Variants in RSRC1 observed in about 807,000 individuals in gnomAD.
The protein encoded by RSRC1 is arginine and serine rich coiled-coil 1.
A neutral mutation model predicts 49.1 loss-of-function variants in RSRC1; 39 were observed. The observed-to-expected ratio is 0.79, with a 90% CI of 0.61 to 1.04. The LOEUF (loss-of-function observed/expected upper bound fraction) is 1.04, where lower values mean the gene tolerates loss of function less well. Among genes scored for constraint, RSRC1 ranks in the 50% least tolerant of loss-of-function variants. RSRC1 has a pLI of 0.00. For synonymous variants in RSRC1, 143 were observed against 130.8 expected (o/e 1.09, Z -0.63); for missense variants, 388 against 402.4 (o/e 0.96, Z 0.31).
chr3:158,468,962 C>T (rs1011747341), intron 7 of RSRC1, among the ~76,000 whole-genome samples: 3 of 152,058 alleles, frequency 2.0e-5, no homozygotes, highest in Non-Finnish European at 4.4e-5. Context: ...AATATAGTCG[C>T]AATCATTATT....
chr3:158,410,024 T>C (rs1265076731), intron 6 of RSRC1, among the ~76,000 whole-genome samples: 1 of 152,106 alleles, frequency 6.6e-6, no homozygotes, highest in Non-Finnish European at 1.5e-5. Context: ...TGAAAGGATA[T>C]AGGAAAGTTT....
chr3:158,351,176 C>A (rs1323009044), intron 5 of RSRC1, among the ~76,000 whole-genome samples: 1 of 152,100 alleles, frequency 6.6e-6, no homozygotes, highest in Non-Finnish European at 1.5e-5. Flanking sequence ...AGCCAAGAGG[C>A]CTGTGGTGAT....
chr3:158,440,651 T>C (rs544429479), intron 6 of RSRC1, among the ~76,000 whole-genome samples: 1 of 152,062 alleles, frequency 6.6e-6, no homozygotes, highest in Non-Finnish European at 1.5e-5. Flanking sequence ...TTCAGAAATA[T>C]TAGAGAAACC....
chr3:158,146,067 A>G (rs188710150), intron 3 of RSRC1, among the ~76,000 whole-genome samples: 51 of 152,276 alleles, frequency 3.3e-4, no homozygotes, highest in African/African-American at 1.2e-3. Context: ...CAATCATGTC[A>G]TCTGCAAACA....
intron 4 of RSRC1, among the ~76,000 whole-genome samples, chr3:158,238,273 T>C (rs151148190): frequency 1.6e-3 from 236 of 152,218 alleles, no homozygotes; most frequent in Non-Finnish European, 2.6e-3. Context: ...ATCAATATCG[T>C]GAAAATGGCC....
chr3:158,212,685 A>G (rs1298985978), intron 4 of RSRC1, among the ~76,000 whole-genome samples: 1 of 151,940 alleles, frequency 6.6e-6, no homozygotes, highest in Non-Finnish European at 1.5e-5. Flanking sequence ...TAGTAAGGTT[A>G]TGAATGGCTT....
rs1722781806 is a variant in RSRC1, at chr3:158,229,291, C to G, written c.494+26046C>G. 2.3e-5 allele frequency among the ~76,000 whole-genome samples: 3 copies of G among 132,938 alleles called. 1 individual carries two copies. Among genetic ancestry groups the G allele is most frequent in the Non-Finnish European group, 4.9e-5 (3 of 61,546 alleles). 87.2% of individuals were successfully genotyped at this position (132,938 alleles called of 152,430 possible). On this transcript the variant is annotated intron_variant, in intron 4 of 9. Coordinates refer to ENST00000611884, the MANE Select transcript of RSRC1 (RefSeq NM_001271838.2). ...GTATGTATGTATATAAACATACACA[C>G]ACGTATATGTGTATGTATGTATATA...
At chr3:158,250,865 C>T (rs1373198209) in intron 4 of RSRC1, among the ~76,000 whole-genome samples, 1 of 152,112 alleles carries the variant, frequency 6.6e-6, no homozygotes, top group East Asian at 1.9e-4. Flanking sequence ...TCCATGTTTG[C>T]TTTGGTTGGC....
intron 6 of RSRC1, among the ~76,000 whole-genome samples, chr3:158,431,120 A>G (rs1254008679): frequency 6.6e-6 from 1 of 151,928 alleles, no homozygotes. Flanking sequence ...ACAGTTTGGG[A>G]AATACTGGTA....
At chr3:158,393,887 G>A (rs532229165) in intron 6 of RSRC1, among the ~76,000 whole-genome samples, 1 of 152,016 alleles carries the variant, frequency 6.6e-6, no homozygotes, top group East Asian at 1.9e-4. Context: ...ATTGATGAAT[G>A]TAGAATCAAA....
intron 5 of RSRC1, among the ~76,000 whole-genome samples, chr3:158,332,322 C>T (rs1461740019): frequency 6.6e-6 from 1 of 152,128 alleles, no homozygotes; most frequent in Non-Finnish European, 1.5e-5. Flanking sequence ...TTGACTAAAA[C>T]ATCCGTGTTT....
chr3:158,193,943 G>C (rs1039151899), intron 3 of RSRC1, among the ~76,000 whole-genome samples: 2 of 151,868 alleles, frequency 1.3e-5, no homozygotes, highest in Non-Finnish European at 2.9e-5. Context: ...AGTTCAGGTC[G>C]ACATACTAGT....
At chr3:158,248,441 A>G (rs530601010) in intron 4 of RSRC1, among the ~76,000 whole-genome samples, 5 of 151,948 alleles carry the variant, frequency 3.3e-5, no homozygotes, top group Admixed American at 2.6e-4. Flanking sequence ...TCACCTGTTA[A>G]TAAACAGTTG....
Position 158,395,144 on chromosome 3 carries a change from C to T in RSRC1, c.583+40236C>T, listed in dbSNP as rs574604589. On this transcript the variant is annotated intron_variant, in intron 6 of 9. Transcript: ENST00000611884. ...GCTAGATATAGGCAGAAAATTGAAA[C>T]TAGACCCCTTCCTTAGAACATATAC... Among the ~76,000 whole-genome samples, 10 of 152,186 alleles carry T rather than the reference C, an allele frequency of 6.6e-5. No homozygotes were observed. In the South Asian group the frequency reaches 2.1e-3, roughly 32 times the overall value.
At chr3:158,264,166 G>T (rs1342382280) in intron 4 of RSRC1, among the ~76,000 whole-genome samples, 1 of 151,974 alleles carries the variant, frequency 6.6e-6, no homozygotes, top group South Asian at 2.1e-4. Context: ...TCATGTAGGC[G>T]TTTAGTATTA....
intron 7 of RSRC1, among the ~76,000 whole-genome samples, chr3:158,486,694 A>G (rs1738830672): frequency 6.6e-6 from 1 of 152,148 alleles, no homozygotes; most frequent in Non-Finnish European, 1.5e-5. Context: ...TTTATATTAA[A>G]TGCCTTTACC....
At chr3:158,333,769 A>G (rs1381141610) in intron 5 of RSRC1, among the ~76,000 whole-genome samples, 1 of 152,228 alleles carries the variant, frequency 6.6e-6, no homozygotes, top group Non-Finnish European at 1.5e-5. Flanking sequence ...ATCTATGTGA[A>G]GTCTCTAAAG....
chr3:158,145,323 G>A (rs1717016306), intron 3 of RSRC1, among the ~76,000 whole-genome samples: 1 of 152,100 alleles, frequency 6.6e-6, no homozygotes, highest in Admixed American at 6.5e-5. Flanking sequence ...GTGTAAGGAA[G>A]GGATCCAGTT....
intron 5 of RSRC1, among the ~76,000 whole-genome samples, chr3:158,339,817 A>G (rs1185656046): frequency 6.6e-6 from 1 of 152,224 alleles, no homozygotes; most frequent in Non-Finnish European, 1.5e-5. Context: ...AGAACAATTA[A>G]TTAAACTGAA....
Sources: allele counts gnomAD v4.1 joint callset (sites outside exome capture counted in the v4.1 genomes callset), GRCh38; gene constraint gnomAD v4.1.1; transcripts MANE v1.5; gene names NCBI Gene and HGNC (gene_info 2026-07-23, HGNC 2026-07-21).